VGLL4: variants seen among roughly 807,000 people sequenced by gnomAD.
The protein encoded by VGLL4 is vestigial like family member 4.
Under a neutral mutation model 21.0 loss-of-function variants are expected in VGLL4, and 7 were observed. The observed-to-expected ratio is 0.33, with a 90% CI of 0.19 to 0.63. VGLL4 has a LOEUF of 0.63. VGLL4 is among the 20% of genes least tolerant of loss of function. VGLL4 has a pLI of 0.78. For missense variants in VGLL4, 394 were observed against 425.7 expected, an observed-to-expected ratio of 0.93 and a Z score of 0.66; for synonymous variants, 222 against 173.2, an observed-to-expected ratio of 1.28 and a Z score of -2.21.
chr3:11,689,835 C>T (rs761889650), intron 2 of VGLL4, among the ~76,000 whole-genome samples: 32 of 152,162 alleles, frequency 2.1e-4, no homozygotes, highest in Non-Finnish European at 3.2e-4. Flanking sequence ...TAAACAAGCA[C>T]GGAGGCAGAG....
At chr3:11,648,679 A>G (rs908525386), upstream of VGLL4, among the ~76,000 whole-genome samples, 3 of 152,248 alleles carry the variant, frequency 2.0e-5, no homozygotes, top group Admixed American at 2.0e-4. Flanking sequence ...TTCAAAGAAC[A>G]TTTAAAAATA....
chr3:11,608,737 G>A (rs1421248770), intron 1 of VGLL4, among the ~76,000 whole-genome samples: 1 of 152,166 alleles, frequency 6.6e-6, no homozygotes, highest in Admixed American at 6.5e-5. Context: ...TGCTAAGACT[G>A]AAGTTTATCT....
chr3:11,694,605 G>A (rs1458655866), intron 2 of VGLL4, among the ~76,000 whole-genome samples: 2 of 151,570 alleles, frequency 1.3e-5, no homozygotes, highest in Non-Finnish European at 1.5e-5. Context: ...CTGGGCAAGA[G>A]TGAGACACTG....
chr3:11,650,370 T>C (rs553345972), intron 2 of VGLL4, among the ~76,000 whole-genome samples: 8 of 152,208 alleles, frequency 5.3e-5, no homozygotes, highest in Non-Finnish European at 7.3e-5. Context: ...TGACTACCAC[T>C]TTAGAATAGA....
chr3:11,717,041 CAG>C (rs1446131115), intron 1 of VGLL4, among the ~76,000 whole-genome samples: 4 of 152,116 alleles, frequency 2.6e-5, no homozygotes, highest in Non-Finnish European at 5.9e-5. Flanking sequence ...AAGCAATAAG[CAG>C]ACACATTGGT....
At chr3:11,680,549 G>A (rs2076353860) in intron 2 of VGLL4, among the ~76,000 whole-genome samples, 1 of 152,142 alleles carries the variant, frequency 6.6e-6, no homozygotes, top group South Asian at 2.1e-4. Flanking sequence ...ACACTAAGAC[G>A]AATCCCAGGA....
chr3:11,589,240 A>C (rs1432213957), intron 2 of VGLL4, among the ~76,000 whole-genome samples: 1 of 152,154 alleles, frequency 6.6e-6, no homozygotes, highest in African/African-American at 2.4e-5. Context: ...TAGGGAGTGG[A>C]TATAAAAGAA....
At chr3:11,580,177 C>A (rs1444087480) in intron 2 of VGLL4, among the ~76,000 whole-genome samples, 1 of 152,240 alleles carries the variant, frequency 6.6e-6, no homozygotes, top group African/African-American at 2.4e-5. Flanking sequence ...CCTCCCATTT[C>A]CTCCTTCTTG....
At chr3:11,702,227 G>T (rs918503798) in intron 2 of VGLL4, among the ~76,000 whole-genome samples, 48 of 151,962 alleles carry the variant, frequency 3.2e-4, no homozygotes, top group African/African-American at 1.1e-3. Flanking sequence ...GACACATAAG[G>T]AGTATCTTCA....
At chr3:11,709,507 C>T (rs1478806972) in intron 1 of VGLL4, among the ~76,000 whole-genome samples, 3 of 148,988 alleles carry the variant, frequency 2.0e-5, no homozygotes, top group African/African-American at 7.4e-5. Flanking sequence ...AAACCAGTTT[C>T]TGGTCTATCT....
chr3:11,643,269 T>G (rs1467111924), intron 1 of VGLL4, among the ~76,000 whole-genome samples, 168 bp downstream of exon 1: 8 of 151,786 alleles, frequency 5.3e-5, no homozygotes, highest in Admixed American at 2.0e-4. Context: ...CCCCGCAGCC[T>G]GAGATCCGAA....
At chr3:11,696,974 C>T (rs1486463981) in intron 2 of VGLL4, among the ~76,000 whole-genome samples, 1 of 152,176 alleles carries the variant, frequency 6.6e-6, no homozygotes, top group South Asian at 2.1e-4. Context: ...AACTCCTGGG[C>T]TCAAGTGACC....
intron 2 of VGLL4, among the ~76,000 whole-genome samples, chr3:11,699,187 A>T (rs1253588029): frequency 3.9e-5 from 6 of 152,220 alleles, no homozygotes. Context: ...AAGTCTAAGA[A>T]ATCCACTGAA....
chr3:11,562,559 C>T (rs533566443), intron 3 of VGLL4, among the ~76,000 whole-genome samples: 1 of 152,354 alleles, frequency 6.6e-6, no homozygotes, highest in East Asian at 1.9e-4. Context: ...GAAGAGACCT[C>T]GGAGCTGCTG....
chr3:11,661,146 G>A (rs1054504612), intron 2 of VGLL4, among the ~76,000 whole-genome samples: 2 of 152,130 alleles, frequency 1.3e-5, no homozygotes, highest in African/African-American at 4.8e-5. Context: ...ATGGAGGGCT[G>A]GAAAGAAAGC....
chr3:11,663,544 C>T (rs2076066150), intron 2 of VGLL4, among the ~76,000 whole-genome samples: 1 of 151,960 alleles, frequency 6.6e-6, no homozygotes, highest in Non-Finnish European at 1.5e-5. Context: ...ATGGCAAAAC[C>T]TTGTCTCTAC....
intron 1 of VGLL4, among the ~76,000 whole-genome samples, chr3:11,625,101 T>C (rs1266809690): frequency 6.6e-6 from 1 of 152,234 alleles, no homozygotes; most frequent in African/African-American, 2.4e-5. Context: ...AAGAACCACA[T>C]GCTAACTTCT....
At position 11,558,474 on chromosome 3, in the gene VGLL4, G is replaced by GGTT; in HGVS notation, c.*81_*82insAAC. 1.6e-6 allele frequency: 2 copies of GGTT among 1,238,914 alleles called. No homozygotes were observed. Among genetic ancestry groups the GGTT allele is most frequent in the Non-Finnish European group, 2.2e-6 (2 of 914,108 alleles). The allele number at this position is 1,238,914 out of a possible 1,614,324, so 76.7% of individuals were successfully genotyped here. On this transcript the variant is annotated 3_prime_UTR_variant, in exon 5 of 5. Coordinates refer to ENST00000430365, the MANE Select transcript of VGLL4 (RefSeq NM_001128219.3). ...TCCCTTCCCCCCACCCCACCCCCATGATTTTTTTTTTTTTAAGTACTGACT... is the reference window on the plus strand; with the variant it reads ...TCCCTTCCCCCCACCCCACCCCCATGGTTATTTTTTTTTTTTTAAGTACTGACT...
intron 2 of VGLL4, among the ~76,000 whole-genome samples, chr3:11,672,968 A>G (rs1268630829): frequency 6.6e-6 from 1 of 152,230 alleles, no homozygotes; most frequent in Non-Finnish European, 1.5e-5. Flanking sequence ...CAGCTTCCAG[A>G]CTTCAGGGAG....
Sources: allele counts gnomAD v4.1 joint callset (sites outside exome capture counted in the v4.1 genomes callset), GRCh38; gene constraint gnomAD v4.1.1; transcripts MANE v1.5; gene names NCBI Gene and HGNC (gene_info 2026-07-23, HGNC 2026-07-21).